Variants in PRPF31 observed in about 807,000 individuals in gnomAD.
The protein encoded by PRPF31 is U4/U6 small nuclear ribonucleoprotein Prp31.
PRPF31 carries 12 observed loss-of-function variants against 60.4 expected under a neutral mutation model. The observed-to-expected ratio is 0.20, with a 90% CI of 0.13 to 0.32. PRPF31 has a LOEUF of 0.32. Among genes scored for constraint, PRPF31 ranks in the 10% least tolerant of loss-of-function variants. The pLI is 1.00. For synonymous variants in PRPF31, 287 were observed against 287.9 expected (o/e 1.00, Z 0.03); for missense variants, 431 against 687.1 (o/e 0.63, Z 4.17).
chr19:54,124,458 T>G (rs765683043), intron 7 of PRPF31, 41 bp from the exon 8 acceptor site: 38 of 1,525,704 alleles, frequency 2.5e-5, no homozygotes, highest in Non-Finnish European at 3.3e-5. Flanking sequence ...CTCTCTGCTT[T>G]CTTCTGACCG....
At position 54,122,368 on chromosome 19, in the gene PRPF31, G is replaced by T. The variant is rs763100560; in HGVS notation, c.323-129G>T. ...GGACGGCTGAGAAAGGCTGTATGCTGGTGCCCGTGTGCCAGGCCACAAGCC... is the reference window on the plus strand; with the variant it reads ...GGACGGCTGAGAAAGGCTGTATGCTTGTGCCCGTGTGCCAGGCCACAAGCC... On this transcript the variant is annotated intron_variant, in intron 4 of 13. Transcript: ENST00000321030. 30 of 795,316 alleles carry T rather than the reference G, an allele frequency of 3.8e-5. No homozygotes were observed. The South Asian group carries it at 4.0e-4, about 11-fold the overall frequency. 49.3% of individuals were successfully genotyped at this position (795,316 alleles called of 1,614,324 possible).
In PRPF31 at chr19:54,131,369, T is replaced by C; in HGVS notation, c.1437T>C (p.Tyr479=). 6.2e-7 allele frequency: 1 copy of C among 1,614,078 alleles called. No homozygotes were observed. The highest frequency in any genetic ancestry group is 1.1e-5 in the South Asian group (1 of 91,080). The change falls in exon 14 of 14, where the codon TAT becomes TAC. Residue 479 remains tyrosine (Y), a synonymous_variant. Transcript: ENST00000321030. ...AGGTGGCTGAGGCCAACCAGAAGTATTTCTCCAGCATGGCTGAGTTCCTCA... is the reference window on the plus strand; with the variant it reads ...AGGTGGCTGAGGCCAACCAGAAGTACTTCTCCAGCATGGCTGAGTTCCTCA... ...EKKVAEANQK[Y]FSSMAEFLKV...
intron 5 of PRPF31, 96 bp downstream of exon 5, chr19:54,122,690 G>T: frequency 1.0e-6 from 1 of 993,178 alleles, no homozygotes; most frequent in Non-Finnish European, 1.6e-6. Flanking sequence ...GTCTGGAGAC[G>T]ATGGAGAGGA....
At position 54,128,325 on chromosome 19, in the gene PRPF31, G is replaced by A. The variant is rs2073970184; in HGVS notation, c.1094G>A (p.Arg365Gln). 1 of 1,537,860 alleles carries A rather than the reference G, an allele frequency of 6.5e-7. No homozygotes were observed. The highest frequency in any genetic ancestry group is 1.2e-5 in the South Asian group (1 of 83,638). ...CCCAGGTACCGCAAGATGAAGGAGC[G>A]GCTGGGGCTGACGGAGATCCGGAAG... ...GGRRYRKMKE[R>Q]LGLTEIRKQA... The change falls in exon 11 of 14, where the codon CGG becomes CAG. Residue 365 changes from arginine (R) to glutamine (Q), a missense_variant. Coordinates refer to ENST00000321030, the MANE Select transcript of PRPF31 (RefSeq NM_015629.4).
chr19:54,124,305 C>T (rs977513138), intron 7 of PRPF31, 194 bp from the exon 8 acceptor site: 44 of 658,298 alleles, frequency 6.7e-5, no homozygotes, highest in African/African-American at 5.9e-4. Flanking sequence ...AGCTGCCCTC[C>T]CTCTCTGAGC....
In PRPF31 at chr19:54,122,577, T is replaced by A; in HGVS notation, c.403T>A (p.Tyr135Asn). 1.2e-6 allele frequency: 2 copies of A among 1,614,052 alleles called. No individual in the cohort carries two copies. The highest frequency in any genetic ancestry group is 1.7e-6 in the Non-Finnish European group (2 of 1,179,908). The change falls in exon 5 of 14, where the codon TAC (tyrosine) becomes AAC (asparagine). Residue 135 changes from tyrosine (Y) to asparagine (N), a missense_variant. Transcript: ENST00000321030. Reference protein sequence around the residue: ...LESLVPNALDYIRTVKELGNS... With the variant: ...LESLVPNALDNIRTVKELGNS... The stretch of plus-strand genomic sequence containing the variant: ...GTCCTTGGTCCCCAATGCACTGGAT[T>A]ACATCCGCACGGTCAAGGTGAGCGC...
intron 3 of PRPF31, among the ~76,000 whole-genome samples, chr19:54,119,311 G>A (rs1009766750): frequency 1.6e-4 from 25 of 151,790 alleles, no homozygotes; most frequent in Non-Finnish European, 3.7e-4. Flanking sequence ...GAACCTGGGA[G>A]GCGGAGCTTG....
Position 54,122,564 on chromosome 19 carries a change from C to T in PRPF31, c.390C>T (p.Pro130=). 1.2e-6 allele frequency: 2 copies of T among 1,614,156 alleles called. No individual in the cohort carries two copies. Among genetic ancestry groups the T allele is most frequent in the Non-Finnish European group, 1.7e-6 (2 of 1,179,984 alleles). Residue 130 remains proline, a synonymous_variant, in exon 5 of 14, where the codon CCC becomes CCT. Transcript: ENST00000321030. ...KRFPELESLV[P]NALDYIRTVK... ...TCCCTGAACTGGAGTCCTTGGTCCC[C>T]AATGCACTGGATTACATCCGCACGG...
chr19:54,129,070 C>T lies in PRPF31; in HGVS notation c.1160C>T (p.Ala387Val). Residue 387 changes from alanine (A) to valine (V), a missense_variant, in exon 12 of 14, where the codon GCC (alanine) becomes GTC (valine). Around this residue, in one of 4 missense-constraint regions of PRPF31, gnomAD observed 314 missense variants for 475.3 expected, o/e 0.66. Coordinates refer to ENST00000321030, the MANE Select transcript of PRPF31 (RefSeq NM_015629.4). ...TCTCCCCCCTAGATCGAGGAGGACGCCTACCAGGAGGACCTGGGATTCAGC... is the reference window on the plus strand; with the variant it reads ...TCTCCCCCCTAGATCGAGGAGGACGTCTACCAGGAGGACCTGGGATTCAGC... ...RMSFGEIEED[A>V]YQEDLGFSLG... 1 of 1,574,956 alleles carries T rather than the reference C, an allele frequency of 6.3e-7. No homozygotes were observed. Among genetic ancestry groups the T allele is most frequent in the Non-Finnish European group, 8.6e-7 (1 of 1,161,198 alleles).
intron 7 of PRPF31, 144 bp from the exon 8 acceptor site, chr19:54,124,355 C>T: frequency 1.2e-6 from 1 of 856,500 alleles, no homozygotes; most frequent in Non-Finnish European, 1.9e-6. Flanking sequence ...GCCAGGTCGC[C>T]CGCCTGGCAG....
intron 13 of PRPF31, among the ~76,000 whole-genome samples, chr19:54,130,662 G>A (rs1046497139): frequency 1.6e-4 from 24 of 152,010 alleles, no homozygotes; most frequent in Non-Finnish European, 3.4e-4. Flanking sequence ...CCAGGGAGGG[G>A]AGGAGGTGGA....
At chr19:54,116,420 G>T (rs1016553016) in intron 1 of PRPF31, among the ~76,000 whole-genome samples, 3 of 151,690 alleles carry the variant, frequency 2.0e-5, no homozygotes, top group Admixed American at 2.0e-4. Flanking sequence ...TGGCCAGGCT[G>T]GTCTCCAACT....
At chr19:54,119,882 T>G (rs954179272) in intron 3 of PRPF31, 2 of 152,182 alleles carry the variant, frequency 1.3e-5, no homozygotes, top group Admixed American at 6.5e-5. Context: ...GGGCAGAGTT[T>G]CGGGAGACTC....
intron 5 of PRPF31, 108 bp from the exon 6 acceptor site, chr19:54,123,346 G>T: frequency 2.3e-6 from 2 of 861,536 alleles, no homozygotes; most frequent in South Asian, 2.6e-5. Context: ...CAGAGACCCT[G>T]ACTGTCCCAG....
chr19:54,118,418 C>T lies in PRPF31; in HGVS notation c.140C>T (p.Ser47Leu), dbSNP rs2073703461. 1.2e-6 allele frequency: 2 copies of T among 1,614,088 alleles called. No individual in the cohort carries two copies. The highest frequency in any genetic ancestry group is 1.7e-6 in the Non-Finnish European group (2 of 1,180,006). Residue 47 changes from serine (S) to leucine (L), a missense_variant, in exon 2 of 14, where the codon TCA (serine) becomes TTA (leucine). By Grantham distance (145) the Ser-to-Leu change is moderately radical. Transcript: ENST00000321030. ...EETQLDLSGD[S>L]VKTIAKLWDS... ...ACACAGCTGGATCTTTCCGGGGATT[C>T]AGTCAAGACCATCGCCAAGCTATGG...
At chr19:54,129,936 T>C (rs115625076) in intron 13 of PRPF31, among the ~76,000 whole-genome samples, 2,072 of 152,254 alleles carry the variant, frequency 0.014, 49 homozygotes, top group African/African-American at 0.047. Context: ...TGCTGAGTTC[T>C]GTCAGTGTTC....
Position 54,128,165 on chromosome 19 carries a change from C to T in PRPF31, c.1038C>T (p.Pro346=). The T allele has an allele frequency of 6.4e-7, 1 of 1,565,738 alleles. No individual in the cohort carries two copies. The highest frequency in any genetic ancestry group is 8.6e-7 in the Non-Finnish European group (1 of 1,156,598). The part of the protein sequence containing the change: ...PVKQVKPLPA[P]LDGQRKKRGG... The stretch of plus-strand genomic sequence containing the variant: ...AGCAGGTGAAGCCGCTGCCTGCGCC[C>T]CTGGATGGACAGCGGAAGAAGCGAG... The change falls in exon 10 of 14, where the codon CCC becomes CCT. Residue 346 remains proline (P), a synonymous_variant. Transcript: ENST00000321030.
At position 54,128,931 on chromosome 19, in the gene PRPF31, G is replaced by A. The variant is rs113572312; in HGVS notation, c.1147-126G>A. ...GCCTCAGCCGGGCCGAGTGGGTACCGGAGCAGGTGCCCGTGGGACCGGCCG... is the reference window on the plus strand; with the variant it reads ...GCCTCAGCCGGGCCGAGTGGGTACCAGAGCAGGTGCCCGTGGGACCGGCCG... On this transcript the variant is annotated intron_variant, in intron 11 of 13. Coordinates refer to ENST00000321030, the MANE Select transcript of PRPF31 (RefSeq NM_015629.4). 752 of 986,438 alleles carry A rather than the reference G, an allele frequency of 7.6e-4. 6 individuals carry two copies. In the African/African-American group the frequency reaches 0.011, roughly 14 times the overall value. The allele number at this position is 986,438 out of a possible 1,614,324, so 61.1% of individuals were successfully genotyped here.
intron 5 of PRPF31, chr19:54,123,189 T>C: frequency 1.7e-6 from 1 of 583,632 alleles, no homozygotes; most frequent in Non-Finnish European, 3.1e-6. Context: ...CAGAGGCTTG[T>C]GAGGCCACAG....
Sources: allele counts gnomAD v4.1 joint callset (sites outside exome capture counted in the v4.1 genomes callset), GRCh38; gene constraint gnomAD v4.1.1; regional missense constraint gnomAD v4.1.1; transcripts MANE v1.5; gene names NCBI Gene and HGNC (gene_info 2026-07-23, HGNC 2026-07-21).